Variants in FMNL2 observed in about 807,000 individuals in gnomAD.
FMNL2 encodes the protein formin like 2.
Under a neutral mutation model 130.2 loss-of-function variants are expected in FMNL2, and 51 were observed. The ratio of observed to expected loss-of-function variants is 0.39; its 90% CI spans 0.31 to 0.49. The LOEUF (loss-of-function observed/expected upper bound fraction) is 0.49. Ranked by LOEUF, FMNL2 falls within the 20% of genes least tolerant of loss-of-function variation. FMNL2 has a pLI of 0.85. For missense variants in FMNL2, 977 were observed against 1,316.2 expected (o/e 0.74, Z 3.99); for synonymous variants, 465 against 467.1 (o/e 1.00, Z 0.06).
intron 9 of FMNL2, among the ~76,000 whole-genome samples, chr2:152,595,108 C>T (rs1697689802): frequency 6.6e-6 from 1 of 152,072 alleles, no homozygotes. Flanking sequence ...AATAACTGTA[C>T]TAGCAACACA....
chr2:152,632,122 GA>G lies in FMNL2; in HGVS notation c.2670del (p.Ala891LeufsTer22). On this transcript the variant is annotated frameshift_variant, in exon 21 of 26. Coordinates refer to ENST00000288670, the MANE Select transcript of FMNL2 (RefSeq NM_052905.4). LOFTEE classifies it high-confidence loss of function. ...SLFYNELHYV[E>X]KAAAVSLENV... The stretch of plus-strand genomic sequence containing the variant: ...GTTTTATAATGAGCTTCATTATGTG[GA>G]AAAAGCTGCTGCAGGTACTTGATTT... The G allele has an allele frequency of 1.2e-6, 2 of 1,610,244 alleles. No homozygotes were observed. The highest frequency in any genetic ancestry group is 2.2e-5 in the East Asian group (1 of 44,778).
At chr2:152,610,273 A>C (rs1187505087) in intron 10 of FMNL2, among the ~76,000 whole-genome samples, 6 of 152,224 alleles carry the variant, frequency 3.9e-5, no homozygotes, top group Non-Finnish European at 7.3e-5. Context: ...TAATTTCCAC[A>C]GTTTATCTTA....
chr2:152,424,181 C>T (rs892143325), intron 1 of FMNL2, among the ~76,000 whole-genome samples: 4 of 152,084 alleles, frequency 2.6e-5, no homozygotes, highest in East Asian at 3.9e-4. Context: ...GTTTAGCATT[C>T]CCCTGTCCTT....
In FMNL2 at chr2:152,648,042, G is replaced by T; in HGVS notation, c.*137G>T. The T allele has an allele frequency of 1.4e-6, 1 of 715,894 alleles. No homozygotes were observed. The highest frequency in any genetic ancestry group is 2.8e-5 in the East Asian group (1 of 36,074). The allele number at this position is 715,894 out of a possible 1,614,324, so 44.3% of individuals were successfully genotyped here. A position where few individuals can be genotyped will look rare whatever the true frequency, so the allele number is the denominator to read the frequency against. On this transcript the variant is annotated 3_prime_UTR_variant, in exon 26 of 26. Transcript: ENST00000288670. ...GGGCTCAGATTTAGCAAACACGGAA[G>T]AATTTTAAAATGAGCTCTCCTTTCA...
chr2:152,382,304 C>T (rs751305699), intron 1 of FMNL2, among the ~76,000 whole-genome samples: 1 of 152,158 alleles, frequency 6.6e-6, no homozygotes, highest in Non-Finnish European at 1.5e-5. Flanking sequence ...GTAGATTTCT[C>T]TTCATTGGGT....
At chr2:152,407,157 CATCTT>C (rs1422043019) in intron 1 of FMNL2, among the ~76,000 whole-genome samples, 3 of 151,458 alleles carry the variant, frequency 2.0e-5, no homozygotes, top group Non-Finnish European at 4.4e-5. Context: ...GTTAAATTAA[CATCTT>C]AAAGAACTCT....
chr2:152,526,426 G>A (rs1693388124), intron 2 of FMNL2, among the ~76,000 whole-genome samples: 1 of 152,086 alleles, frequency 6.6e-6, no homozygotes, highest in African/African-American at 2.4e-5. Flanking sequence ...GACTTAGTCT[G>A]CCTTTTAGCC....
Position 152,521,212 on chromosome 2 carries a change from A to G in FMNL2, c.118-731A>G, listed in dbSNP as rs550397715. Reference sequence around the variant, plus strand: ...TGTATGATTGGTCATTTGGGACATTAGATTCATGACATGTGAAAGTACCTG... The same window carrying G: ...TGTATGATTGGTCATTTGGGACATTGGATTCATGACATGTGAAAGTACCTG... On this transcript the variant is annotated intron_variant, in intron 1 of 25. Transcript: ENST00000288670. Among the ~76,000 whole-genome samples, 9 of 152,316 alleles carry G rather than the reference A, an allele frequency of 5.9e-5. No homozygotes were observed. In the East Asian group the frequency reaches 1.7e-3, roughly 29 times the overall value.
At chr2:152,462,382 A>G (rs1339132763) in intron 1 of FMNL2, among the ~76,000 whole-genome samples, 1 of 152,106 alleles carries the variant, frequency 6.6e-6, no homozygotes, top group Non-Finnish European at 1.5e-5. Context: ...ACATTACTGC[A>G]CACTGGAATT....
At position 152,558,807 on chromosome 2, in the gene FMNL2, G is replaced by T. The variant is rs774295322; in HGVS notation, c.427G>T (p.Ala143Ser). The change falls in exon 5 of 26, where the codon GCA (alanine) becomes TCA (serine). Residue 143 changes from alanine to serine, a missense_variant. Physicochemically the swap from Ala to Ser is moderately conservative, Grantham distance 99 (BLOSUM62 1). This residue lies in a region of FMNL2 where 689 missense variants were observed against 995.9 expected (regional missense o/e 0.69). Coordinates refer to ENST00000288670, the MANE Select transcript of FMNL2 (RefSeq NM_052905.4). The part of the protein sequence containing the change: ...LDVLVEYLSF[A>S]QYAVTFDFES... ...TGTTCTAGTGGAATATCTCTCATTT[G>T]CACAGTACGCGGTAACGTAAGTAAA... The T allele has an allele frequency of 2.5e-6, 4 of 1,612,674 alleles. No homozygotes were observed. Among genetic ancestry groups the T allele is most frequent in the African/African-American group, 1.3e-5 (1 of 74,666 alleles).
intron 10 of FMNL2, among the ~76,000 whole-genome samples, chr2:152,610,956 T>G (rs1698643056): frequency 6.6e-6 from 1 of 152,228 alleles, no homozygotes; most frequent in Non-Finnish European, 1.5e-5. Flanking sequence ...TGTTACTGTA[T>G]TTCTTTTTTA....
intron 9 of FMNL2, among the ~76,000 whole-genome samples, chr2:152,602,884 G>T (rs921978297): frequency 1.3e-5 from 2 of 152,136 alleles, no homozygotes; most frequent in African/African-American, 4.8e-5. Context: ...AGAGGCCACC[G>T]CAAAGGAGAG....
intron 1 of FMNL2, among the ~76,000 whole-genome samples, chr2:152,488,531 T>G (rs1346747409): frequency 1.3e-5 from 2 of 152,182 alleles, no homozygotes; most frequent in African/African-American, 4.8e-5. Context: ...AAAGAAAAAC[T>G]GAGATAACGT....
At chr2:152,376,019 A>G (rs1223493994) in intron 1 of FMNL2, among the ~76,000 whole-genome samples, 2 of 151,672 alleles carry the variant, frequency 1.3e-5, no homozygotes, top group African/African-American at 4.8e-5. Context: ...TCAGCCTCCC[A>G]AGTAGCTGGG....
chr2:152,566,006 C>T (rs1390110122), intron 6 of FMNL2, among the ~76,000 whole-genome samples: 2 of 152,174 alleles, frequency 1.3e-5, no homozygotes, highest in Admixed American at 6.5e-5. Flanking sequence ...CTCTCGAACT[C>T]CTGGGCTCAA....
intron 1 of FMNL2, among the ~76,000 whole-genome samples, chr2:152,407,932 A>G (rs1488278228): frequency 1.3e-5 from 2 of 152,246 alleles, no homozygotes; most frequent in African/African-American, 4.8e-5. Context: ...CAAGGTATCC[A>G]GCATTTTGTG....
At chr2:152,570,010 C>CAAAA (rs139817108) in intron 6 of FMNL2, among the ~76,000 whole-genome samples, 127 of 145,850 alleles carry the variant, frequency 8.7e-4, no homozygotes, top group East Asian at 2.2e-3. Flanking sequence ...GACTCTGTCT[C>CAAAA]AAAAAAAAAA....
intron 1 of FMNL2, among the ~76,000 whole-genome samples, chr2:152,401,352 C>T (rs13029407): frequency 0.21 from 31,783 of 152,170 alleles, 3,457 homozygotes; most frequent in Middle Eastern, 0.34. Flanking sequence ...GGACATCTCA[C>T]CCCTCCAAAT....
intron 10 of FMNL2, among the ~76,000 whole-genome samples, 172 bp from the exon 11 acceptor site, chr2:152,611,323 A>G (rs1046581682): frequency 1.3e-5 from 2 of 152,200 alleles, no homozygotes; most frequent in Non-Finnish European, 2.9e-5. Flanking sequence ...TGGGCGACAG[A>G]GCAAGACTCC....
Sources: allele counts gnomAD v4.1 joint callset (sites outside exome capture counted in the v4.1 genomes callset), GRCh38; gene constraint gnomAD v4.1.1; regional missense constraint gnomAD v4.1.1; transcripts MANE v1.5; gene names NCBI Gene and HGNC (gene_info 2026-07-23, HGNC 2026-07-21).